The following SH3GL1 variants were observed in gnomAD, a reference collection of about 807,000 sequenced individuals.
SH3GL1 encodes SH3 domain containing GRB2 like 1, endophilin A2, also known as endophilin-A2.
SH3GL1 carries 21 observed loss-of-function variants against 48.8 expected under a neutral mutation model. The observed-to-expected ratio is 0.43, with a 90% CI of 0.30 to 0.62. The LOEUF is 0.62. Among genes scored for constraint, SH3GL1 ranks in the 20% least tolerant of loss-of-function variants. The probability of loss-of-function intolerance (pLI) is 0.11; values close to 1 mark genes in which losing one functional copy is unlikely to be tolerated. For synonymous variants in SH3GL1, 282 were observed against 217.5 expected (o/e 1.30, Z -2.61); for missense variants, 454 against 503.0 (o/e 0.90, Z 0.93).
chr19:4,366,581 G>A lies in SH3GL1; in HGVS notation c.115-8C>T, dbSNP rs1333355933. 6.8e-6 allele frequency: 11 copies of A among 1,611,296 alleles called. No individual in the cohort carries two copies. Among genetic ancestry groups the A allele is most frequent in the Middle Eastern group, 1.7e-4 (1 of 5,808 alleles). On this transcript the variant is annotated splice_region_variant and splice_polypyrimidine_tract_variant and intron_variant, in intron 2 of 9. Coordinates refer to ENST00000269886, the MANE Select transcript of SH3GL1 (RefSeq NM_003025.4). ...GCTGGTGACATCCACCTTCTGTGAA[G>A]AGAAGCAGCATATAAGACTCCACAG...
chr19:4,364,034 T>C, intron 5 of SH3GL1, 54 bp downstream of exon 5: 1 of 1,608,860 alleles, frequency 6.2e-7, no homozygotes, highest in Admixed American at 1.7e-5. Flanking sequence ...GGAATGGGGC[T>C]GCCCCATCCG....
In SH3GL1 at chr19:4,361,574, A is replaced by AGGGGC. The variant is rs746350284; in HGVS notation, c.*21_*25dup. On this transcript the variant is annotated 3_prime_UTR_variant, in exon 10 of 10. Coordinates refer to ENST00000269886, the MANE Select transcript of SH3GL1 (RefSeq NM_003025.4). ...AGGGGGTGCCGGCCAGTGTGGACGG[A>AGGGGC]GGGGCGGGGCGGGGACACGGGTGAG... The AGGGGC allele has an allele frequency of 1.3e-4, 194 of 1,544,568 alleles. No homozygotes were observed. Among genetic ancestry groups the AGGGGC allele is most frequent in the Admixed American group, 2.4e-4 (14 of 58,958 alleles).
intron 1 of SH3GL1, among the ~76,000 whole-genome samples, chr19:4,384,446 G>T (rs1021097791): frequency 3.9e-5 from 6 of 152,152 alleles, no homozygotes; most frequent in East Asian, 1.9e-4. Flanking sequence ...TGAACAGGTT[G>T]TTTTTTTCCA....
chr19:4,364,077 A>G lies in SH3GL1; in HGVS notation c.465+11T>C, dbSNP rs1273212961. The G allele has an allele frequency of 6.2e-7, 1 of 1,611,934 alleles. No individual in the cohort carries two copies. The highest frequency in any genetic ancestry group is 2.2e-5 in the East Asian group (1 of 44,874). The stretch of plus-strand genomic sequence containing the variant: ...GAAGGGACAGGCCCCAGGCTGGCGC[A>G]GGAGCAGCACCTGGATCTCCTTCAG... On this transcript the variant is annotated intron_variant, in intron 5 of 9. Coordinates refer to ENST00000269886, the MANE Select transcript of SH3GL1 (RefSeq NM_003025.4).
chr19:4,393,231 A>T (rs1264445678), intron 1 of SH3GL1, among the ~76,000 whole-genome samples: 1 of 152,082 alleles, frequency 6.6e-6, no homozygotes, highest in Non-Finnish European at 1.5e-5. Context: ...ACTGCATTCC[A>T]GCCTGGGCAA....
At chr19:4,385,745 C>T (rs1434540586) in intron 1 of SH3GL1, among the ~76,000 whole-genome samples, 1 of 152,148 alleles carries the variant, frequency 6.6e-6, no homozygotes, top group Non-Finnish European at 1.5e-5. Flanking sequence ...TGGGAGAACA[C>T]TGGAAAAATA....
chr19:4,397,037 T>C (rs62129355), intron 1 of SH3GL1, among the ~76,000 whole-genome samples: 32,736 of 152,148 alleles, frequency 0.22, 3,860 homozygotes, highest in Admixed American at 0.28. Flanking sequence ...CACTACGTAA[T>C]GAGAGATCCC....
At chr19:4,391,851 G>A (rs554027369) in intron 1 of SH3GL1, among the ~76,000 whole-genome samples, 117 of 152,168 alleles carry the variant, frequency 7.7e-4, no homozygotes, top group Non-Finnish European at 1.5e-3. Context: ...CCTGTCCTGG[G>A]GTGGCCCAGG....
chr19:4,369,996 C>T (rs909215079), intron 1 of SH3GL1, among the ~76,000 whole-genome samples: 1 of 152,032 alleles, frequency 6.6e-6, no homozygotes, highest in African/African-American at 2.4e-5. Flanking sequence ...CAAGCGTGGG[C>T]TCCTGCCCGC....
chr19:4,374,872 G>T (rs548103305), intron 1 of SH3GL1, among the ~76,000 whole-genome samples: 7 of 152,264 alleles, frequency 4.6e-5, no homozygotes, highest in African/African-American at 1.4e-4. Flanking sequence ...GCCGTATGGG[G>T]CCTAGGCTGG....
Position 4,382,536 on chromosome 19 carries a change from C to G in SH3GL1, c.46-15542G>C, listed in dbSNP as rs370587059. Reference sequence around the variant, plus strand: ...CCTCCCAAAGTGCTGGGATTACAGGCGTGAGCCACCGCGCCCGGCCCAGGT... The same window carrying G: ...CCTCCCAAAGTGCTGGGATTACAGGGGTGAGCCACCGCGCCCGGCCCAGGT... On this transcript the variant is annotated intron_variant, in intron 1 of 9. Coordinates refer to ENST00000269886, the MANE Select transcript of SH3GL1 (RefSeq NM_003025.4). Among the ~76,000 whole-genome samples, 675 of 151,960 alleles carry G rather than the reference C, an allele frequency of 4.4e-3. 3 individuals are homozygous for G. Among genetic ancestry groups the G allele is most frequent in the Middle Eastern group, 0.027 (8 of 294 alleles).
chr19:4,378,472 T>C (rs939163271), intron 1 of SH3GL1, among the ~76,000 whole-genome samples: 5 of 152,078 alleles, frequency 3.3e-5, no homozygotes, highest in Non-Finnish European at 4.4e-5. Context: ...CCCAGCACTT[T>C]GGGAAACCGA....
intron 1 of SH3GL1, among the ~76,000 whole-genome samples, chr19:4,370,455 CAG>C (rs1972875608): frequency 1.3e-5 from 2 of 152,182 alleles, no homozygotes; most frequent in Non-Finnish European, 2.9e-5. Context: ...CAACAGGGCT[CAG>C]GGGTGAGACC....
chr19:4,392,098 C>G (rs942416879), intron 1 of SH3GL1, among the ~76,000 whole-genome samples: 1 of 152,162 alleles, frequency 6.6e-6, no homozygotes, highest in African/African-American at 2.4e-5. Flanking sequence ...GGCCTTGTCC[C>G]GGGCACAGCC....
chr19:4,396,502 TGAG>T (rs1973427692), intron 1 of SH3GL1, among the ~76,000 whole-genome samples: 1 of 151,996 alleles, frequency 6.6e-6, no homozygotes, highest in African/African-American at 2.4e-5. Context: ...TTTTTTTTTT[TGAG>T]ACGAAGTCTC....
At chr19:4,364,039 C>T (rs1972702603) in intron 5 of SH3GL1, 49 bp downstream of exon 5, 1 of 1,610,808 alleles carries the variant, frequency 6.2e-7, no homozygotes, top group Non-Finnish European at 8.5e-7. Context: ...GGGGCTGCCC[C>T]ATCCGGCAGG....
chr19:4,361,427 C>T lies in SH3GL1; in HGVS notation c.*173G>A. ...AGGCATCCCCACCCACCCAGATAAG[C>T]CCCCCCACCCAAGTGTGGGGTCCTG... is the stretch of plus-strand genomic sequence containing the variant. On this transcript the variant is annotated 3_prime_UTR_variant, in exon 10 of 10. Transcript: ENST00000269886. The T allele has an allele frequency of 1.7e-6, 1 of 595,926 alleles. No individual in the cohort carries two copies. The highest frequency in any genetic ancestry group is 3.0e-5 in the Admixed American group (1 of 33,566). The allele number at this position is 595,926 out of a possible 1,614,324, so 36.9% of individuals were successfully genotyped here. A position where few individuals can be genotyped will look rare whatever the true frequency, so the allele number is the denominator to read the frequency against.
At position 4,364,214 on chromosome 19, in the gene SH3GL1, T is replaced by C. The variant is rs1972708768; in HGVS notation, c.339A>G (p.Ala113=). The change falls in exon 5 of 10, where the codon GCA becomes GCG. Residue 113 remains alanine (A), a synonymous_variant. Coordinates refer to ENST00000269886, the MANE Select transcript of SH3GL1 (RefSeq NM_003025.4). The stretch of plus-strand genomic sequence containing the variant: ...TCATGGACTCGCCGGCATCCAGCAA[T>C]GCGTCACCTGTGGAGAAGTGGTGGG... ...ELGGESNFGD[A]LLDAGESMKR... The C allele has an allele frequency of 1.2e-6, 2 of 1,613,868 alleles. No homozygotes were observed. The highest frequency in any genetic ancestry group is 1.1e-5 in the South Asian group (1 of 91,088).
chr19:4,392,768 C>T (rs1352003155), intron 1 of SH3GL1, among the ~76,000 whole-genome samples: 1 of 152,014 alleles, frequency 6.6e-6, no homozygotes, highest in Non-Finnish European at 1.5e-5. Flanking sequence ...AAGGCGAAAC[C>T]CCGTTTCTAC....
Sources: allele counts gnomAD v4.1 joint callset (sites outside exome capture counted in the v4.1 genomes callset), GRCh38; gene constraint gnomAD v4.1.1; transcripts MANE v1.5; gene names NCBI Gene and HGNC (gene_info 2026-07-23, HGNC 2026-07-21).